Variants in DLG2 observed in about 807,000 individuals in gnomAD.
DLG2 encodes the protein disks large homolog 2.
DLG2 carries 45 observed loss-of-function variants against 132.5 expected under a neutral mutation model. That is an observed-to-expected ratio of 0.34 (90% confidence interval 0.27 to 0.44). The LOEUF is 0.44. Among genes scored for constraint, DLG2 ranks in the 20% least tolerant of loss-of-function variants. The pLI is 1.00. For missense variants in DLG2, 1,045 were observed against 1,196.9 expected (o/e 0.87, Z 1.87); for synonymous variants, 424 against 419.6 (o/e 1.01, Z -0.13).
chr11:84,958,486 T>C (rs1221811648), intron 6 of DLG2, among the ~76,000 whole-genome samples: 1 of 152,232 alleles, frequency 6.6e-6, no homozygotes, highest in Non-Finnish European at 1.5e-5. Context: ...AATTTGCCTC[T>C]GGGTTGTTTG....
chr11:85,446,813 G>C (rs1420845417), intron 3 of DLG2, among the ~76,000 whole-genome samples: 1 of 151,758 alleles, frequency 6.6e-6, no homozygotes, highest in South Asian at 2.1e-4. Flanking sequence ...GTGTGTGTGT[G>C]TGTGTGTGTG....
At position 84,691,736 on chromosome 11, in the gene DLG2, A is replaced by T. The variant is rs768175761; in HGVS notation, c.358-157005T>A. Among the ~76,000 whole-genome samples the T allele has an allele frequency of 4.0e-5, 6 of 151,704 alleles. No individual in the cohort carries two copies. In the South Asian group the frequency reaches 1.0e-3, roughly 26 times the overall value. The stretch of plus-strand genomic sequence containing the variant: ...ATATACGTGTTACTTTTAGATGTAC[A>T]GCACTCTAGTTCTTACAAGTTTGAT... On this transcript the variant is annotated intron_variant, in intron 6 of 27. Transcript: ENST00000376104.
At chr11:84,467,998 G>A (rs547693092) in intron 7 of DLG2, among the ~76,000 whole-genome samples, 1 of 151,506 alleles carries the variant, frequency 6.6e-6, no homozygotes, top group African/African-American at 2.4e-5. Context: ...ATTCCATTCA[G>A]TTTGAAAATT....
chr11:84,372,103 C>T (rs1325871685), intron 7 of DLG2, among the ~76,000 whole-genome samples: 1 of 151,990 alleles, frequency 6.6e-6, no homozygotes, highest in Non-Finnish European at 1.5e-5. Context: ...GAAGACATAC[C>T]AAACAGTATA....
At chr11:83,753,256 C>G (rs1436269139) in intron 18 of DLG2, among the ~76,000 whole-genome samples, 1 of 151,952 alleles carries the variant, frequency 6.6e-6, no homozygotes. Context: ...AACTCCACCT[C>G]TACTAAAAAT....
At chr11:83,906,063 C>CAT (rs2074645853) in intron 15 of DLG2, among the ~76,000 whole-genome samples, 1 of 100,786 alleles carries the variant, frequency 9.9e-6, no homozygotes, top group African/African-American at 4.7e-5. Context: ...GTCTCTCTCT[C>CAT]TCTCTCTCTC....
chr11:84,364,386 CTT>C (rs2098669191), intron 7 of DLG2, among the ~76,000 whole-genome samples: 1 of 152,062 alleles, frequency 6.6e-6, no homozygotes, highest in Non-Finnish European at 1.5e-5. Context: ...GCTGAAGTTG[CTT>C]ATCAGCTTAA....
chr11:84,449,011 C>T (rs1361760982), intron 7 of DLG2, among the ~76,000 whole-genome samples: 1 of 151,800 alleles, frequency 6.6e-6, no homozygotes, highest in Non-Finnish European at 1.5e-5. Context: ...TGTTATTACC[C>T]TCTATTTGCA....
intron 18 of DLG2, among the ~76,000 whole-genome samples, chr11:83,659,777 C>G (rs185824732): frequency 6.6e-6 from 1 of 152,208 alleles, no homozygotes; most frequent in Non-Finnish European, 1.5e-5. Context: ...TCCTGAATTC[C>G]CATTTGCATA....
intron 6 of DLG2, among the ~76,000 whole-genome samples, chr11:84,535,737 T>C (rs1046739631): frequency 2.0e-5 from 3 of 152,144 alleles, no homozygotes; most frequent in African/African-American, 7.2e-5. Context: ...TTGTCCTACC[T>C]GGGAAAGAAG....
intron 8 of DLG2, among the ~76,000 whole-genome samples, chr11:84,168,608 A>G (rs1412555998): frequency 6.6e-6 from 1 of 152,196 alleles, no homozygotes; most frequent in Non-Finnish European, 1.5e-5. Context: ...AAGTAGATAA[A>G]TCAGTGAATC....
chr11:84,720,310 T>C, intron 6 of DLG2: 1 of 985,444 alleles, frequency 1.0e-6, no homozygotes, highest in Non-Finnish European at 1.2e-6. Context: ...CATCCAAACA[T>C]CAACGATAAA....
intron 4 of DLG2, among the ~76,000 whole-genome samples, chr11:85,242,458 CT>C (rs1288257605): frequency 4.0e-5 from 6 of 151,454 alleles, no homozygotes; most frequent in African/African-American, 1.2e-4. Context: ...TGGAATTTAC[CT>C]TTGTTACTTT....
chr11:84,912,562 C>T (rs10792787), intron 6 of DLG2, among the ~76,000 whole-genome samples: 85,737 of 152,142 alleles, frequency 0.56, 24,582 homozygotes, highest in South Asian at 0.64. Context: ...TCATTACTAA[C>T]CATTTCAATT....
At chr11:85,576,037 G>A (rs1010732548) in intron 3 of DLG2, among the ~76,000 whole-genome samples, 1 of 152,120 alleles carries the variant, frequency 6.6e-6, no homozygotes, top group African/African-American at 2.4e-5. Context: ...CATTTGTTGA[G>A]ACAGCTGAGA....
chr11:83,695,735 TCTCAAAAAAAGAAAATC>T (rs1269165575), intron 18 of DLG2, among the ~76,000 whole-genome samples: 5 of 151,914 alleles, frequency 3.3e-5, no homozygotes, highest in East Asian at 3.9e-4. Flanking sequence ...TGAGACTCCA[TCTCAAAAAAAGAAAATC>T]CTCAAAAAAA....
chr11:83,615,722 C>T (rs897329337), intron 19 of DLG2, among the ~76,000 whole-genome samples: 4 of 152,122 alleles, frequency 2.6e-5, no homozygotes, highest in African/African-American at 7.2e-5. Context: ...AAGGGGGCCA[C>T]GAGCCATGGA....
rs1458217865 is a variant in DLG2 at position 83,801,706 on chromosome 11, T to C, written c.1723-14914A>G. ...AGCCTCCCAGCCTATCTCTAATTCA[T>C]CTGGTTTTACTTTCTTACAGAATTT... On this transcript the variant is annotated intron_variant, in intron 17 of 27. Transcript: ENST00000376104. 2.6e-5 allele frequency among the ~76,000 whole-genome samples: 4 copies of C among 152,144 alleles called. No individual in the cohort carries two copies. In the East Asian group the frequency reaches 7.7e-4, roughly 29 times the overall value.
intron 7 of DLG2, among the ~76,000 whole-genome samples, chr11:84,396,714 C>A (rs2098812349): frequency 6.6e-6 from 1 of 152,182 alleles, no homozygotes. Flanking sequence ...TGAAAACAAG[C>A]TTTCTTGTGA....
Sources: gnomAD v4.1 joint callset for allele counts (sites outside exome capture counted in the v4.1 genomes callset) on GRCh38, gnomAD v4.1.1 for gene constraint, MANE v1.5 for transcripts, NCBI Gene and HGNC (gene_info 2026-07-23, HGNC 2026-07-21) for gene names.